FER1L6: variants seen among roughly 807,000 people sequenced by gnomAD.
FER1L6 encodes the protein fer-1-like protein 6.
A neutral mutation model predicts 219.2 loss-of-function variants in FER1L6; 177 were observed. The ratio of observed to expected loss-of-function variants is 0.81; its 90% CI spans 0.71 to 0.91. FER1L6 has a LOEUF of 0.91. FER1L6 is among the 40% of genes least tolerant of loss of function. FER1L6 has a pLI of 0.00. For synonymous variants in FER1L6, 768 were observed against 824.3 expected (o/e 0.93, Z 1.17); for missense variants, 2,153 against 2,259.9 (o/e 0.95, Z 0.96).
At chr8:123,974,775 A>T (rs937366243) in intron 7 of FER1L6, among the ~76,000 whole-genome samples, 1 of 151,966 alleles carries the variant, frequency 6.6e-6, no homozygotes, top group Non-Finnish European at 1.5e-5. Flanking sequence ...TTTGACTCAC[A>T]GTGAGGCCAA....
chr8:124,034,846 G>T (rs2130704123), intron 18 of FER1L6, among the ~76,000 whole-genome samples: 1 of 152,316 alleles, frequency 6.6e-6, no homozygotes, highest in South Asian at 2.1e-4. Context: ...AGGCTATGGG[G>T]TTCAGAGTCT....
At chr8:123,984,967 G>A (rs1816502068) in intron 11 of FER1L6, 1 of 152,244 alleles carries the variant, frequency 6.6e-6, no homozygotes, top group South Asian at 2.1e-4. Flanking sequence ...TCTTAGCTCA[G>A]AAATGTAATG....
In FER1L6 at chr8:123,864,079, T is replaced by C. The variant is rs1433188602; in HGVS notation, c.-8+11894T>C. Among the ~76,000 whole-genome samples, 4 of 148,328 alleles carry C rather than the reference T, an allele frequency of 2.7e-5. No homozygotes were observed. The East Asian group carries it at 7.8e-4, about 29-fold the overall frequency. ...TGATGCAGTTTCTTCCTAGTCTCGA[T>C]GGTCTTTACATTTTGGCATGATTTT... On this transcript the variant is annotated intron_variant, in intron 1 of 40. Transcript: ENST00000522917.
At position 124,061,921 on chromosome 8, in the gene FER1L6, A is replaced by C. The variant is rs752585978; in HGVS notation, c.3217A>C (p.Arg1073=). 9.9e-6 allele frequency: 16 copies of C among 1,614,152 alleles called. No homozygotes were observed. The highest frequency in any genetic ancestry group is 2.5e-6 in the Non-Finnish European group (3 of 1,180,012). ...CGTGGTGGACTGGAGAGCTTTTGGG[A>C]GGAGTACCCTTGTGGGCACCTACAC... ...ICVVDWRAFG[R]STLVGTYTIN... Residue 1073 remains arginine, a synonymous_variant, in exon 25 of 41, where the codon AGG becomes CGG. Coordinates refer to ENST00000522917, the MANE Select transcript of FER1L6 (RefSeq NM_001039112.2).
intron 1 of FER1L6, among the ~76,000 whole-genome samples, chr8:123,953,799 C>G (rs577980195): frequency 6.6e-6 from 1 of 152,210 alleles, no homozygotes; most frequent in Admixed American, 6.5e-5. Context: ...TTGAACTGCT[C>G]ATGGCAGGGG....
intron 32 of FER1L6, among the ~76,000 whole-genome samples, chr8:124,081,276 A>G (rs562355977): frequency 1.3e-5 from 2 of 152,288 alleles, no homozygotes; most frequent in South Asian, 4.1e-4. Flanking sequence ...CCTATAACGC[A>G]GTTAATTTTC....
rs199510818 is a variant in FER1L6 at position 124,035,321 on chromosome 8, C to T, written c.2331C>T (p.Val777=). Residue 777 remains valine, a synonymous_variant, in exon 19 of 41, where the codon GTC becomes GTT. Transcript: ENST00000522917. ...RPAGWSVQAK[V]DVYLWLGSIK... ...CTGGTTGGTCTGTGCAAGCAAAAGT[C>T]GACGTGTACCTGTGGCTGGGCTCCA... 187 of 1,614,086 alleles carry T rather than the reference C, an allele frequency of 1.2e-4. No homozygotes were observed. Among genetic ancestry groups the T allele is most frequent in the East Asian group, 4.0e-4 (18 of 44,878 alleles).
At chr8:124,017,796 A>G in intron 16 of FER1L6, 78 bp downstream of exon 16, 2 of 1,187,198 alleles carry the variant, frequency 1.7e-6, no homozygotes, top group East Asian at 2.4e-5. Context: ...CACAGACCAA[A>G]TGAGGTTGAG....
intron 1 of FER1L6, among the ~76,000 whole-genome samples, chr8:123,854,448 T>C (rs1014387316): frequency 6.6e-6 from 1 of 152,176 alleles, no homozygotes; most frequent in African/African-American, 2.4e-5. Context: ...GGATCTCTGC[T>C]GTGTAGCATG....
rs1238445199 is a variant in FER1L6, at chr8:124,070,556, T to C, written c.3924T>C (p.Asp1308=). ...FELFRGKSTE[D]DHGLDGDRVI... The stretch of plus-strand genomic sequence containing the variant: ...TCTTCAGAGGCAAGTCTACGGAAGA[T>C]GACCATGGTCTTGATGGAGACCGAG... The change falls in exon 30 of 41, where the codon GAT becomes GAC. Residue 1308 remains aspartate, a synonymous_variant. Coordinates refer to ENST00000522917, the MANE Select transcript of FER1L6 (RefSeq NM_001039112.2). The C allele has an allele frequency of 4.3e-6, 7 of 1,610,290 alleles. No individual in the cohort carries two copies. Among genetic ancestry groups the C allele is most frequent in the Non-Finnish European group, 5.9e-6 (7 of 1,178,872 alleles).
chr8:123,929,966 GT>G (rs11390460), intron 1 of FER1L6, among the ~76,000 whole-genome samples: 773 of 144,516 alleles, frequency 5.3e-3, no homozygotes, highest in Middle Eastern at 0.021. Flanking sequence ...AGATGGCACT[GT>G]TTTTTTTTTT....
chr8:124,097,169 C>G, intron 35 of FER1L6, 102 bp from the exon 36 acceptor site: 1 of 776,420 alleles, frequency 1.3e-6, no homozygotes, highest in Middle Eastern at 2.4e-4. Flanking sequence ...ACACTTAACA[C>G]CTATTTCTAC....
chr8:123,879,956 C>G (rs1167067016), intron 1 of FER1L6, among the ~76,000 whole-genome samples: 1 of 152,098 alleles, frequency 6.6e-6, no homozygotes, highest in Admixed American at 6.5e-5. Context: ...TGGTGCTGTC[C>G]CCCGTTCACC....
intron 13 of FER1L6, 138 bp from the exon 14 acceptor site, chr8:124,010,456 G>T (rs763674858): frequency 4.3e-6 from 4 of 922,224 alleles, no homozygotes; most frequent in Admixed American, 5.3e-5. Flanking sequence ...ATAGATCAAA[G>T]ATGGTGTTAA....
intron 33 of FER1L6, among the ~76,000 whole-genome samples, chr8:124,085,954 T>C (rs1234828606): frequency 6.6e-6 from 1 of 152,222 alleles, no homozygotes; most frequent in Non-Finnish European, 1.5e-5. Context: ...CCCTTTATCA[T>C]TATATAATGA....
intron 1 of FER1L6, chr8:123,925,018 C>T (rs1199868473): frequency 6.6e-6 from 1 of 152,196 alleles, no homozygotes; most frequent in Admixed American, 6.5e-5. Context: ...AATTCAATTT[C>T]CTAGAAGTGA....
At chr8:123,902,748 T>C (rs1812881156) in intron 1 of FER1L6, among the ~76,000 whole-genome samples, 1 of 152,234 alleles carries the variant, frequency 6.6e-6, no homozygotes, top group Admixed American at 6.5e-5. Context: ...TGGTTCTGTA[T>C]CTTTTAAGTG....
chr8:123,989,344 G>T (rs1816744938), intron 12 of FER1L6, among the ~76,000 whole-genome samples: 1 of 151,922 alleles, frequency 6.6e-6, no homozygotes, highest in African/African-American at 2.4e-5. Context: ...GAATGAGTTT[G>T]GAAGTATTCC....
chr8:124,045,431 A>C (rs904465568), intron 20 of FER1L6, among the ~76,000 whole-genome samples: 1 of 152,236 alleles, frequency 6.6e-6, no homozygotes, highest in African/African-American at 2.4e-5. Flanking sequence ...AATTCAGCAC[A>C]CCATAAATGC....
Sources: gnomAD v4.1 joint callset for allele counts (sites outside exome capture counted in the v4.1 genomes callset) on GRCh38, gnomAD v4.1.1 for gene constraint, MANE v1.5 for transcripts, NCBI Gene and HGNC (gene_info 2026-07-23, HGNC 2026-07-21) for gene names.